Variants in LAMA2 observed in about 807,000 individuals in gnomAD.
LAMA2 encodes laminin subunit alpha 2.
In LAMA2, 269 loss-of-function variants were observed where a neutral mutation model predicts 364.8. The ratio of observed to expected loss-of-function variants is 0.74; its 90% CI spans 0.67 to 0.82. The LOEUF is 0.82. Ranked by LOEUF, LAMA2 falls within the 40% of genes least tolerant of loss-of-function variation. The probability of loss-of-function intolerance (pLI) is 0.00; values close to 1 mark genes in which losing one functional copy is unlikely to be tolerated. For missense variants in LAMA2, 3,807 were observed against 3,873.2 expected (o/e 0.98, Z 0.45); for synonymous variants, 1,379 against 1,370.6 (o/e 1.01, Z -0.14).
At chr6:129,025,042 G>T (rs1393073774) in intron 1 of LAMA2, among the ~76,000 whole-genome samples, 1 of 152,130 alleles carries the variant, frequency 6.6e-6, no homozygotes. Context: ...AAATAGTTTG[G>T]GTTTCATTAT....
At chr6:129,111,146 C>A (rs1486139827) in intron 4 of LAMA2, among the ~76,000 whole-genome samples, 1 of 151,866 alleles carries the variant, frequency 6.6e-6, no homozygotes, top group East Asian at 1.9e-4. Flanking sequence ...TTACTAGGCC[C>A]CTGCTATGAA....
Position 129,206,935 on chromosome 6 carries a change from C to T in LAMA2, c.1782+14082C>T, listed in dbSNP as rs377162084. 2.0e-5 allele frequency among the ~76,000 whole-genome samples: 3 copies of T among 152,338 alleles called. No homozygotes were observed. In the South Asian group the frequency reaches 6.2e-4, roughly 32 times the overall value. ...GACGGAATTGAGCCAATTAGACTGACTGTCTCTTCAATGAGTTGTGACCTA... is the reference window on the plus strand; with the variant it reads ...GACGGAATTGAGCCAATTAGACTGATTGTCTCTTCAATGAGTTGTGACCTA... On this transcript the variant is annotated intron_variant, in intron 12 of 64. Coordinates refer to ENST00000421865, the MANE Select transcript of LAMA2 (RefSeq NM_000426.4).
chr6:129,125,836 A>G (rs1777082491), intron 4 of LAMA2, among the ~76,000 whole-genome samples: 2 of 152,180 alleles, frequency 1.3e-5, no homozygotes, highest in Admixed American at 6.5e-5. Context: ...GGGAATGGGT[A>G]TGTTACTAGC....
intron 58 of LAMA2, among the ~76,000 whole-genome samples, chr6:129,497,427 G>A (rs1785276149): frequency 6.6e-6 from 1 of 151,972 alleles, no homozygotes; most frequent in African/African-American, 2.4e-5. Context: ...TAATAGAGAT[G>A]GGATTTCACC....
intron 4 of LAMA2, among the ~76,000 whole-genome samples, chr6:129,134,083 A>C (rs938654214): frequency 6.6e-6 from 1 of 152,222 alleles, no homozygotes; most frequent in Non-Finnish European, 1.5e-5. Context: ...ACTGAAAACA[A>C]AACAGGAAAA....
intron 8 of LAMA2, among the ~76,000 whole-genome samples, chr6:129,157,278 A>T (rs987720027): frequency 3.3e-5 from 5 of 152,120 alleles, no homozygotes; most frequent in Admixed American, 2.0e-4. Flanking sequence ...AAACCCATTT[A>T]AAAAAAGGCA....
intron 16 of LAMA2, among the ~76,000 whole-genome samples, chr6:129,270,185 G>T (rs1054371432): frequency 6.6e-6 from 1 of 151,236 alleles, no homozygotes; most frequent in South Asian, 2.1e-4. Context: ...CATTAAATCA[G>T]CAATTTCAAG....
chr6:129,248,872 C>A (rs1448999821), intron 12 of LAMA2, among the ~76,000 whole-genome samples: 1 of 152,122 alleles, frequency 6.6e-6, no homozygotes, highest in African/African-American at 2.4e-5. Context: ...TCATTACTCA[C>A]AATAATGCCA....
At chr6:129,400,003 A>G (rs1359902358) in intron 37 of LAMA2, among the ~76,000 whole-genome samples, 7 of 152,218 alleles carry the variant, frequency 4.6e-5, no homozygotes, top group Non-Finnish European at 5.9e-5. Flanking sequence ...GCAAGAGACC[A>G]AAAACTGAGT....
intron 64 of LAMA2, among the ~76,000 whole-genome samples, 168 bp downstream of exon 64, chr6:129,514,763 T>C (rs192776938): frequency 2.6e-5 from 4 of 152,348 alleles, no homozygotes; most frequent in African/African-American, 7.2e-5. Context: ...GTGTGTAAAA[T>C]GAACATATTA....
intron 4 of LAMA2, among the ~76,000 whole-genome samples, chr6:129,128,972 A>T (rs1316374503): frequency 6.6e-6 from 1 of 152,184 alleles, no homozygotes; most frequent in African/African-American, 2.4e-5. Flanking sequence ...TAAAAGTTTA[A>T]TATTTCCCAG....
intron 40 of LAMA2, among the ~76,000 whole-genome samples, chr6:129,413,259 A>G (rs1368859550): frequency 6.6e-6 from 1 of 152,208 alleles, no homozygotes; most frequent in African/African-American, 2.4e-5. Context: ...CTAAAAAATT[A>G]TGAGCCTGCA....
chr6:129,434,950 T>TA (rs200258069), intron 41 of LAMA2, among the ~76,000 whole-genome samples: 8 of 150,420 alleles, frequency 5.3e-5, no homozygotes, highest in Non-Finnish European at 7.4e-5. Flanking sequence ...GCTGAAACAT[T>TA]AAAAAAAAAT....
chr6:129,097,043 C>T (rs559693943), intron 3 of LAMA2, among the ~76,000 whole-genome samples: 2 of 152,318 alleles, frequency 1.3e-5, no homozygotes, highest in Admixed American at 1.3e-4. Flanking sequence ...TGTAGCTCAG[C>T]AGTCCTGTTA....
At chr6:129,094,453 G>C (rs1325826231) in intron 3 of LAMA2, among the ~76,000 whole-genome samples, 2 of 152,176 alleles carry the variant, frequency 1.3e-5, no homozygotes, top group African/African-American at 4.8e-5. Context: ...GGGGTCTCTA[G>C]TAGAACTTCT....
intron 2 of LAMA2, among the ~76,000 whole-genome samples, chr6:129,051,154 C>T (rs914957563): frequency 6.7e-6 from 1 of 148,950 alleles, no homozygotes; most frequent in Non-Finnish European, 1.5e-5. Context: ...ATGCCTTCTT[C>T]TCTTCTCCTC....
At chr6:129,449,870 T>C (rs997338418) in intron 45 of LAMA2, among the ~76,000 whole-genome samples, 1 of 146,586 alleles carries the variant, frequency 6.8e-6, no homozygotes, top group African/African-American at 2.5e-5. Context: ...TGGAGCAATC[T>C]CAGCTCACTG....
intron 9 of LAMA2, among the ~76,000 whole-genome samples, chr6:129,171,463 G>A (rs938031245): frequency 6.6e-6 from 1 of 151,918 alleles, no homozygotes. Flanking sequence ...TGAAATTCTG[G>A]GTTGAAAATT....
At chr6:129,438,556 T>G in intron 41 of LAMA2, 90 bp from the exon 42 acceptor site, 2 of 664,860 alleles carry the variant, frequency 3.0e-6, no homozygotes, top group South Asian at 1.7e-5. Flanking sequence ...TAATTAATTT[T>G]ATATTAAAAT....
Sources: allele counts gnomAD v4.1 joint callset (sites outside exome capture counted in the v4.1 genomes callset), GRCh38; gene constraint gnomAD v4.1.1; transcripts MANE v1.5; gene names NCBI Gene and HGNC (gene_info 2026-07-23, HGNC 2026-07-21).